MS4A15: variants seen among roughly 807,000 people sequenced by gnomAD.
MS4A15 encodes membrane-spanning 4-domains subfamily A member 15.
MS4A15 carries 22 observed loss-of-function variants against 20.6 expected under a neutral mutation model. That is an observed-to-expected ratio of 1.07 (90% CI 0.76 to 1.52). The LOEUF is 1.52. Ranked by LOEUF, MS4A15 falls within the 40% of genes most tolerant of loss-of-function variation. MS4A15 has a pLI of 0.00. For missense variants in MS4A15, 312 were observed against 323.0 expected (o/e 0.97, Z 0.26); for synonymous variants, 129 against 129.3 (o/e 1.00, Z 0.02).
In MS4A15 at chr11:60,767,665, G is replaced by C; in HGVS notation, c.348+10G>C. The stretch of plus-strand genomic sequence containing the variant: ...CTGGGGAGGAGCCTGCGTGAGTGCC[G>C]GGGCCATGGAGAGGGAGGGTAGGGG... On this transcript the variant is annotated intron_variant, in intron 3 of 6. Coordinates refer to ENST00000405633, the MANE Select transcript of MS4A15 (RefSeq NM_001098835.2). 1.9e-6 allele frequency: 3 copies of C among 1,542,506 alleles called. No individual in the cohort carries two copies. Among genetic ancestry groups the C allele is most frequent in the Non-Finnish European group, 1.7e-6 (2 of 1,143,206 alleles).
At chr11:60,758,230 T>C (rs749320495) in intron 1 of MS4A15, among the ~76,000 whole-genome samples, 4 of 151,148 alleles carry the variant, frequency 2.6e-5, no homozygotes, top group Non-Finnish European at 4.4e-5. Context: ...ATCTATTTCC[T>C]CAATGCTCAC....
intron 2 of MS4A15, among the ~76,000 whole-genome samples, chr11:60,765,362 C>T (rs1300584020): frequency 6.6e-6 from 1 of 151,918 alleles, no homozygotes; most frequent in Non-Finnish European, 1.5e-5. Flanking sequence ...TCAGTATGTT[C>T]CTTGGCCTCA....
intron 1 of MS4A15, among the ~76,000 whole-genome samples, chr11:60,759,082 C>T (rs749552166): frequency 2.0e-5 from 3 of 152,176 alleles, no homozygotes; most frequent in Non-Finnish European, 4.4e-5. Flanking sequence ...TTTCTTGCAG[C>T]GTAAGAGCTC....
intron 4 of MS4A15, chr11:60,771,663 C>T: frequency 7.1e-7 from 1 of 1,403,748 alleles, no homozygotes; most frequent in Non-Finnish European, 9.4e-7. Context: ...GCAGAGAGGA[C>T]TTAGAAATAC....
intron 4 of MS4A15, 24 bp downstream of exon 4, chr11:60,771,371 G>C (rs1159475328): frequency 1.2e-6 from 2 of 1,613,908 alleles, no homozygotes; most frequent in South Asian, 2.2e-5. Flanking sequence ...GGGGGACCCA[G>C]GGGCGGGGAT....
intron 2 of MS4A15, among the ~76,000 whole-genome samples, chr11:60,764,679 G>A (rs1353775735): frequency 6.6e-6 from 1 of 152,220 alleles, no homozygotes; most frequent in Non-Finnish European, 1.5e-5. Flanking sequence ...GGGAGGCCGA[G>A]GCAGGCAGAT....
At chr11:60,762,405 C>T (rs898230123) in intron 1 of MS4A15, among the ~76,000 whole-genome samples, 2 of 152,168 alleles carry the variant, frequency 1.3e-5, no homozygotes, top group African/African-American at 2.4e-5. Context: ...GAAAACACAC[C>T]TGCAAGGGGC....
chr11:60,775,438 ATGT>A (rs1302361712), intron 6 of MS4A15, among the ~76,000 whole-genome samples, 164 bp from the exon 7 acceptor site: 5 of 152,260 alleles, frequency 3.3e-5, no homozygotes, highest in East Asian at 1.9e-4. Flanking sequence ...GCCCCAGTAA[ATGT>A]TGTTTGAAAT....
chr11:60,767,485 G>T, intron 2 of MS4A15, 48 bp from the exon 3 acceptor site: 1 of 1,431,028 alleles, frequency 7.0e-7, no homozygotes, highest in Non-Finnish European at 9.2e-7. Flanking sequence ...CCGGCAGGGG[G>T]CGGTGTGGAA....
intron 4 of MS4A15, among the ~76,000 whole-genome samples, chr11:60,772,357 G>T (rs1007234378): frequency 1.3e-5 from 2 of 151,698 alleles, no homozygotes; most frequent in Non-Finnish European, 2.9e-5. Context: ...ATACTTGAGA[G>T]GTATCCCAGG....
At chr11:60,757,766 G>A (rs1470781383) in intron 1 of MS4A15, among the ~76,000 whole-genome samples, 4 of 152,176 alleles carry the variant, frequency 2.6e-5, no homozygotes, top group East Asian at 3.9e-4. Context: ...ATATCTATAT[G>A]ATCGGGTGGC....
At chr11:60,761,871 G>A (rs561767327) in intron 1 of MS4A15, among the ~76,000 whole-genome samples, 17 of 152,284 alleles carry the variant, frequency 1.1e-4, no homozygotes, top group African/African-American at 3.6e-4. Context: ...TTTTATAGTA[G>A]TAAAGTCTCT....
chr11:60,772,910 G>A (rs1854078197), intron 4 of MS4A15, among the ~76,000 whole-genome samples: 1 of 152,098 alleles, frequency 6.6e-6, no homozygotes, highest in African/African-American at 2.4e-5. Context: ...TGTCTGCAGT[G>A]CCTCACTCCG....
At chr11:60,763,673 T>G in intron 1 of MS4A15, 33 bp from the exon 2 acceptor site, 1 of 1,568,784 alleles carries the variant, frequency 6.4e-7, no homozygotes. Context: ...TGCACATGGG[T>G]GACAATCATC....
rs200033120 is a variant in MS4A15 at position 60,773,898 on chromosome 11, C to A, written c.560C>A (p.Ala187Glu). ...TTCACTGTCCTGGAGTTCTTCACAG[C>A]GGTCATTGCCATGCACTTCGGGTGC... ...TIFTVLEFFTAVIAMHFGCQA... is the reference protein window; with the variant it reads ...TIFTVLEFFTEVIAMHFGCQA... Residue 187 changes from alanine to glutamate, a missense_variant, in exon 6 of 7, where the codon GCG (alanine) becomes GAG (glutamate). Coordinates refer to ENST00000405633, the MANE Select transcript of MS4A15 (RefSeq NM_001098835.2). The A allele has an allele frequency of 9.3e-5, 150 of 1,614,024 alleles. No individual in the cohort carries two copies. The highest frequency in any genetic ancestry group is 1.1e-4 in the Non-Finnish European group (135 of 1,180,030).
chr11:60,760,398 C>T (rs966680341), intron 1 of MS4A15, among the ~76,000 whole-genome samples: 15 of 152,226 alleles, frequency 9.9e-5, no homozygotes, highest in East Asian at 1.9e-4. Flanking sequence ...TGCCAACCCA[C>T]GAGGTCTGGT....
At chr11:60,761,474 C>T (rs1323430166) in intron 1 of MS4A15, among the ~76,000 whole-genome samples, 1 of 152,180 alleles carries the variant, frequency 6.6e-6, no homozygotes, top group African/African-American at 2.4e-5. Flanking sequence ...TGGTCTCCAT[C>T]CAGACAGCCT....
At chr11:60,768,558 G>C (rs1853941869) in intron 3 of MS4A15, among the ~76,000 whole-genome samples, 1 of 152,198 alleles carries the variant, frequency 6.6e-6, no homozygotes, top group Admixed American at 6.5e-5. Flanking sequence ...ACAGGCCTCA[G>C]GGTCAGGTCA....
chr11:60,767,470 CG>C (rs2134715009), intron 2 of MS4A15, 62 bp from the exon 3 acceptor site: 1 of 1,413,020 alleles, frequency 7.1e-7, no homozygotes. Context: ...ACGCTCTCCG[CG>C]GGGCCGGCAG....
Sources: gnomAD v4.1 joint callset for allele counts (sites outside exome capture counted in the v4.1 genomes callset) on GRCh38, gnomAD v4.1.1 for gene constraint, MANE v1.5 for transcripts, NCBI Gene and HGNC (gene_info 2026-07-23, HGNC 2026-07-21) for gene names.